The following UTP4 variants were observed in gnomAD, a reference collection of about 807,000 sequenced individuals.
UTP4 encodes U3 small nucleolar RNA-associated protein 4 homolog.
UTP4 carries 45 observed loss-of-function variants against 82.4 expected under a neutral mutation model. The observed-to-expected ratio is 0.55, with a 90% CI of 0.43 to 0.70. The LOEUF is 0.70. Among genes scored for constraint, UTP4 ranks in the 30% least tolerant of loss-of-function variants. The pLI is 0.00. For missense variants in UTP4, 819 were observed against 858.3 expected, an observed-to-expected ratio of 0.95 and a Z score of 0.57; for synonymous variants, 348 against 300.3, an observed-to-expected ratio of 1.16 and a Z score of -1.64.
intron 8 of UTP4, among the ~76,000 whole-genome samples, chr16:69,151,916 A>G (rs1022820401): frequency 3.3e-5 from 5 of 151,700 alleles, no homozygotes; most frequent in Non-Finnish European, 7.4e-5. Flanking sequence ...TTCCCAAGCT[A>G]GAAAACTTGC....
intron 6 of UTP4, among the ~76,000 whole-genome samples, chr16:69,143,711 T>C (rs906236706): frequency 7.2e-5 from 11 of 152,148 alleles, no homozygotes; most frequent in African/African-American, 2.7e-4. Context: ...TATACCTTTG[T>C]ATTTATGCAT....
chr16:69,167,140 C>A lies in UTP4; in HGVS notation c.1899C>A (p.Ile633=), dbSNP rs747688337. ...PFPPTNESDV[I]RRRTAHAFKI... is the part of the protein sequence containing the mutation. ...CTCCCACGAATGAATCAGATGTCAT[C>A]CGGAGGCGCACAGCTCATGCTTTTA... Residue 633 remains isoleucine (I), a synonymous_variant, in exon 16 of 17, where the codon ATC becomes ATA. Transcript: ENST00000314423. 1.9e-6 allele frequency: 3 copies of A among 1,613,824 alleles called. No individual in the cohort carries two copies. The Admixed American group carries it at 5.0e-5, about 27-fold the overall frequency.
chr16:69,168,957 C>A lies in UTP4; in HGVS notation c.*20C>A. ...ACCTAAAACAGGGCACTGTCTGTGT[C>A]CTTCCTTGAACTGTCTACCCTGTTG... On this transcript the variant is annotated 3_prime_UTR_variant, in exon 17 of 17. Transcript: ENST00000314423. The A allele has an allele frequency of 1.4e-6, 2 of 1,439,936 alleles. No individual in the cohort carries two copies. The highest frequency in any genetic ancestry group is 2.3e-5 in the East Asian group (1 of 44,044). The allele number at this position is 1,439,936 out of a possible 1,614,324, so 89.2% of individuals were successfully genotyped here.
At chr16:69,132,785 C>A (rs1285709401) in intron 1 of UTP4, 96 bp downstream of exon 1, 2 of 231,758 alleles carry the variant, frequency 8.6e-6, no homozygotes, top group East Asian at 3.6e-4. Context: ...AGCTCCTTGT[C>A]CCGAGGGTCT....
chr16:69,151,649 G>A (rs1963273193), intron 8 of UTP4, among the ~76,000 whole-genome samples: 1 of 151,472 alleles, frequency 6.6e-6, no homozygotes, highest in African/African-American at 2.4e-5. Flanking sequence ...TAACCATCTG[G>A]GACATGGAGA....
chr16:69,156,558 A>G (rs1211970803), intron 11 of UTP4, among the ~76,000 whole-genome samples: 1 of 151,386 alleles, frequency 6.6e-6, no homozygotes, highest in Non-Finnish European at 1.5e-5. Context: ...TCTCGGGTTC[A>G]AGCCATTCTC....
intron 16 of UTP4, 22 bp from the exon 17 acceptor site, chr16:69,168,799 A>G: frequency 6.9e-7 from 1 of 1,459,226 alleles, no homozygotes. Flanking sequence ...GTCCTGATAG[A>G]ATAATTATCA....
At chr16:69,166,885 T>A in intron 15 of UTP4, 190 bp from the exon 16 acceptor site, 1 of 595,198 alleles carries the variant, frequency 1.7e-6, no homozygotes, top group Non-Finnish European at 3.0e-6. Flanking sequence ...TCTTCTTTTT[T>A]TCCCCCCTAG....
At chr16:69,167,251 C>T (rs2152284926) in intron 16 of UTP4, 66 bp downstream of exon 16, 9 of 1,061,252 alleles carry the variant, frequency 8.5e-6, no homozygotes, top group Non-Finnish European at 1.3e-5. Flanking sequence ...GTAATAAACT[C>T]CACAATCGGA....
In UTP4 at chr16:69,139,825, G is replaced by T; in HGVS notation, c.437G>T (p.Ser146Ile). 6.2e-7 allele frequency: 1 copy of T among 1,611,888 alleles called. No homozygotes were observed. The highest frequency in any genetic ancestry group is 1.1e-5 in the South Asian group (1 of 91,026). Reference sequence around the variant, plus strand: ...CTTTTTTTGTTGTCCAACTCCCAAGGTCGCATCCTGAGTCTCAGCTGGCAT... The same window carrying T: ...CTTTTTTTGTTGTCCAACTCCCAAGTTCGCATCCTGAGTCTCAGCTGGCAT... ...QFERNFDRQK[S>I]RILSLSWHPS... The change falls in exon 5 of 17, where the codon AGT becomes ATT. Residue 146 changes from serine (S) to isoleucine (I), a missense_variant and splice_region_variant. Transcript: ENST00000314423.
Position 69,165,361 on chromosome 16 carries a change from A to G in UTP4, c.1668A>G (p.Pro556=). 6.2e-7 allele frequency: 1 copy of G among 1,614,156 alleles called. No individual in the cohort carries two copies. ...CTCAGGTATTTGAGTACAGCATCCC[A>G]GACAAACAGTATACAGATTGGAGCC... ...SDQQVFEYSI[P]DKQYTDWSRT... is the part of the protein sequence containing the mutation. The change falls in exon 15 of 17, where the codon CCA becomes CCG. Residue 556 remains proline (P), a synonymous_variant. Coordinates refer to ENST00000314423, the MANE Select transcript of UTP4 (RefSeq NM_032830.3).
In UTP4 at chr16:69,143,284, T is replaced by C. The variant is rs1567602889; in HGVS notation, c.633T>C (p.Ser211=). 6 of 1,614,062 alleles carry C rather than the reference T, an allele frequency of 3.7e-6. No individual in the cohort carries two copies. Among genetic ancestry groups the C allele is most frequent in the Non-Finnish European group, 5.1e-6 (6 of 1,180,028 alleles). Residue 211 remains serine (S), a synonymous_variant, in exon 6 of 17, where the codon AGT becomes AGC. Coordinates refer to ENST00000314423, the MANE Select transcript of UTP4 (RefSeq NM_032830.3). ...VAFLSDGTII[S]VDSAGKVQFW... is the part of the protein sequence containing the mutation. The stretch of plus-strand genomic sequence containing the variant: ...TCTTGTCCGATGGCACTATCATAAG[T>C]GTGGACTCTGCTGGGAAGGTGCAGT...
At chr16:69,144,863 C>T (rs1651341309) in intron 6 of UTP4, among the ~76,000 whole-genome samples, 1 of 152,066 alleles carries the variant, frequency 6.6e-6, no homozygotes, top group African/African-American at 2.4e-5. Context: ...AATTATTGGC[C>T]GGGCATGGTG....
intron 8 of UTP4, among the ~76,000 whole-genome samples, chr16:69,152,214 G>C (rs1355527803): frequency 6.6e-6 from 1 of 151,864 alleles, no homozygotes. Flanking sequence ...CTTTACAGTA[G>C]CTTCTTAATC....
intron 11 of UTP4, among the ~76,000 whole-genome samples, chr16:69,156,240 C>T (rs895418757): frequency 2.0e-5 from 3 of 149,878 alleles, no homozygotes; most frequent in Non-Finnish European, 3.0e-5. Flanking sequence ...CTGCAACCTC[C>T]GCCTCTTGGG....
intron 4 of UTP4, 178 bp from the exon 5 acceptor site, chr16:69,139,639 AAAATAAAT>A (rs60340195): frequency 0.025 from 4,229 of 167,056 alleles, 158 homozygotes; most frequent in Middle Eastern, 0.089. Context: ...CTCCGTCTCA[AAAATAAAT>A]AAATAAATAA....
At chr16:69,152,697 T>G (rs1000438501) in intron 8 of UTP4, among the ~76,000 whole-genome samples, 1 of 152,118 alleles carries the variant, frequency 6.6e-6, no homozygotes, top group Non-Finnish European at 1.5e-5. Flanking sequence ...GGTCTTGAAC[T>G]CCTGACCTCA....
At chr16:69,161,041 A>G (rs571531747) in intron 13 of UTP4, among the ~76,000 whole-genome samples, 52 of 152,340 alleles carry the variant, frequency 3.4e-4, no homozygotes, top group African/African-American at 1.2e-3. Flanking sequence ...GAAATTAATG[A>G]TCTGTGGGTG....
At chr16:69,138,079 A>T in intron 4 of UTP4, 194 bp downstream of exon 4, 1 of 578,404 alleles carries the variant, frequency 1.7e-6, no homozygotes, top group South Asian at 2.2e-5. Context: ...TGCTTGGTTA[A>T]GTAATAATAT....
Sources: allele counts gnomAD v4.1 joint callset (sites outside exome capture counted in the v4.1 genomes callset), GRCh38; gene constraint gnomAD v4.1.1; transcripts MANE v1.5; gene names NCBI Gene and HGNC (gene_info 2026-07-23, HGNC 2026-07-21).